Variants in FHIT observed in about 807,000 individuals in gnomAD.
FHIT encodes bis(5'-adenosyl)-triphosphatase.
A neutral mutation model predicts 17.9 loss-of-function variants in FHIT; 19 were observed. The ratio of observed to expected loss-of-function variants is 1.06; its 90% CI spans 0.74 to 1.56. FHIT has a LOEUF of 1.56. FHIT is among the 40% of genes most tolerant of loss of function. The pLI is 0.00. For missense variants in FHIT, 248 were observed against 189.2 expected (o/e 1.31, Z -1.82); for synonymous variants, 81 against 69.7 (o/e 1.16, Z -0.81).
chr3:60,844,937 C>T (rs1004502820), intron 3 of FHIT, among the ~76,000 whole-genome samples: 12 of 152,056 alleles, frequency 7.9e-5, no homozygotes, highest in African/African-American at 2.9e-4. Context: ...AACTATGTTA[C>T]AATCATGTGA....
intron 7 of FHIT, among the ~76,000 whole-genome samples, chr3:59,942,769 C>G (rs1017140861): frequency 6.6e-6 from 1 of 152,162 alleles, no homozygotes; most frequent in Admixed American, 6.5e-5. Context: ...CCACCTCAGG[C>G]TCCCAAAAAG....
In FHIT at chr3:60,013,994, T is replaced by A; in HGVS notation, c.249+13A>T. 1 of 1,613,202 alleles carries A rather than the reference T, an allele frequency of 6.2e-7. No homozygotes were observed. Among genetic ancestry groups the A allele is most frequent in the South Asian group, 1.1e-5 (1 of 91,036 alleles). Reference sequence around the variant, plus strand: ...GGGAAGAAAAATCATTTCTGAGAAATCTGTACACTCACCTGCATGGAAAAG... The same window carrying A: ...GGGAAGAAAAATCATTTCTGAGAAAACTGTACACTCACCTGCATGGAAAAG... On this transcript the variant is annotated intron_variant, in intron 6 of 9. Transcript: ENST00000492590.
At chr3:61,072,406 C>T (rs543031469) in intron 2 of FHIT, among the ~76,000 whole-genome samples, 1 of 152,286 alleles carries the variant, frequency 6.6e-6, no homozygotes, top group African/African-American at 2.4e-5. Flanking sequence ...TCTGGCCAAT[C>T]ACCAAGTGGG....
chr3:60,506,526 C>A (rs1415998058), intron 5 of FHIT, among the ~76,000 whole-genome samples: 1 of 152,148 alleles, frequency 6.6e-6, no homozygotes, highest in East Asian at 1.9e-4. Context: ...AATATTTATT[C>A]TCCTCTTCTC....
chr3:60,368,620 G>A (rs1227069762), intron 5 of FHIT, among the ~76,000 whole-genome samples: 1 of 151,922 alleles, frequency 6.6e-6, no homozygotes, highest in African/African-American at 2.4e-5. Context: ...TCTGTAGCTT[G>A]CCTTTTTATT....
At chr3:59,805,851 A>G (rs1700173407) in intron 8 of FHIT, among the ~76,000 whole-genome samples, 3 of 152,152 alleles carry the variant, frequency 2.0e-5, no homozygotes, top group South Asian at 2.1e-4. Context: ...CTCTGTAGAC[A>G]CTACTTCTCT....
At chr3:60,339,014 T>C (rs768244168) in intron 5 of FHIT, among the ~76,000 whole-genome samples, 1 of 152,152 alleles carries the variant, frequency 6.6e-6, no homozygotes, top group Non-Finnish European at 1.5e-5. Context: ...GAAGATACCA[T>C]CTGGCATATA....
chr3:60,719,527 C>G (rs937179403), intron 4 of FHIT, among the ~76,000 whole-genome samples: 1 of 152,152 alleles, frequency 6.6e-6, no homozygotes, highest in African/African-American at 2.4e-5. Flanking sequence ...GCAGGCTCCA[C>G]TCTACTACAT....
intron 7 of FHIT, among the ~76,000 whole-genome samples, chr3:59,992,672 T>A (rs1699336317): frequency 6.6e-6 from 1 of 152,074 alleles, no homozygotes; most frequent in Non-Finnish European, 1.5e-5. Context: ...GCTTTGTGCC[T>A]CCTTAATTTT....
chr3:60,458,737 C>T (rs915606694), intron 5 of FHIT, among the ~76,000 whole-genome samples: 2 of 152,042 alleles, frequency 1.3e-5, no homozygotes, highest in African/African-American at 4.8e-5. Context: ...ATACATCATT[C>T]AATTACGTTC....
At chr3:60,910,772 C>T (rs1400940347) in intron 3 of FHIT, among the ~76,000 whole-genome samples, 1 of 152,136 alleles carries the variant, frequency 6.6e-6, no homozygotes, top group Non-Finnish European at 1.5e-5. Context: ...AGAGAAGGCT[C>T]TCCAAACTGT....
intron 5 of FHIT, among the ~76,000 whole-genome samples, chr3:60,455,443 C>A (rs2032028310): frequency 6.6e-6 from 1 of 152,114 alleles, no homozygotes; most frequent in Non-Finnish European, 1.5e-5. Context: ...TGCCTACATG[C>A]ACGTCTTCAA....
intron 3 of FHIT, among the ~76,000 whole-genome samples, chr3:60,845,989 A>C (rs1702912908): frequency 6.6e-6 from 1 of 152,238 alleles, no homozygotes; most frequent in South Asian, 2.1e-4. Context: ...TGTAACTTGT[A>C]TGATAAGCCT....
intron 8 of FHIT, among the ~76,000 whole-genome samples, chr3:59,763,457 T>G (rs1423091343): frequency 6.6e-6 from 1 of 152,248 alleles, no homozygotes; most frequent in East Asian, 1.9e-4. Flanking sequence ...CTGATCTAGC[T>G]GGGACCTTTG....
chr3:60,600,379 G>T (rs542642806), intron 4 of FHIT, among the ~76,000 whole-genome samples: 1 of 151,666 alleles, frequency 6.6e-6, no homozygotes, highest in Non-Finnish European at 1.5e-5. Context: ...AAAAAATAGT[G>T]CATCTGTCAT....
chr3:60,127,499 A>G (rs1471484718), intron 5 of FHIT, among the ~76,000 whole-genome samples: 1 of 152,192 alleles, frequency 6.6e-6, no homozygotes, highest in Non-Finnish European at 1.5e-5. Context: ...ACTCCCCATG[A>G]TATGAACCTC....
At chr3:60,675,800 A>G (rs1206906863) in intron 4 of FHIT, among the ~76,000 whole-genome samples, 1 of 152,250 alleles carries the variant, frequency 6.6e-6, no homozygotes, top group Non-Finnish European at 1.5e-5. Context: ...TTTTGAATAA[A>G]GGTGCAATCA....
At chr3:60,339,248 A>G (rs772821850) in intron 5 of FHIT, among the ~76,000 whole-genome samples, 1 of 151,890 alleles carries the variant, frequency 6.6e-6, no homozygotes, top group Non-Finnish European at 1.5e-5. Flanking sequence ...TTTGGATCTC[A>G]GGATCCAAAA....
intron 2 of FHIT, among the ~76,000 whole-genome samples, chr3:61,062,378 C>T (rs1047048608): frequency 3.9e-5 from 6 of 152,132 alleles, no homozygotes; most frequent in African/African-American, 1.4e-4. Flanking sequence ...AAAGCAACTA[C>T]CCAATCTCAA....
Sources: gnomAD v4.1 joint callset for allele counts (sites outside exome capture counted in the v4.1 genomes callset) on GRCh38, gnomAD v4.1.1 for gene constraint, MANE v1.5 for transcripts, NCBI Gene and HGNC (gene_info 2026-07-23, HGNC 2026-07-21) for gene names.